The following AQR variants were observed in gnomAD, a reference collection of about 807,000 sequenced individuals.
The protein encoded by AQR is aquarius intron-binding spliceosomal factor, also known as RNA helicase aquarius.
A neutral mutation model predicts 180.5 loss-of-function variants in AQR; 61 were observed. The ratio of observed to expected loss-of-function variants is 0.34; its 90% confidence interval spans 0.28 to 0.42. AQR has a LOEUF of 0.42. AQR is among the 10% of genes least tolerant of loss of function. AQR has a pLI of 1.00. For synonymous variants in AQR, 551 were observed against 588.8 expected, an observed-to-expected ratio of 0.94 and a Z score of 0.93; for missense variants, 1,281 against 1,798.3, an observed-to-expected ratio of 0.71 and a Z score of 5.20.
intron 2 of AQR, among the ~76,000 whole-genome samples, chr15:34,962,746 G>A (rs915142299): frequency 6.0e-5 from 9 of 151,250 alleles, no homozygotes; most frequent in Non-Finnish European, 8.8e-5. Flanking sequence ...TCCAAACTGG[G>A]TGACAAGAGC....
intron 11 of AQR, 97 bp from the exon 12 acceptor site, chr15:34,930,468 G>C: frequency 1.5e-6 from 1 of 654,592 alleles, no homozygotes; most frequent in South Asian, 2.7e-5. Context: ...CAGTTTCTCA[G>C]AGGTGCTGAA....
At chr15:34,968,252 G>C (rs779626005) in intron 1 of AQR, among the ~76,000 whole-genome samples, 3 of 95,502 alleles carry the variant, frequency 3.1e-5, no homozygotes, top group Non-Finnish European at 7.3e-5. Context: ...AAGGAAGGAA[G>C]AGATTTTTTT....
rs1892857409 is a variant in AQR, at chr15:34,873,923, T to C, written c.3502A>G (p.Thr1168Ala). ...TCATACAGTAAGCCAGCATTTGCTGTACTAAACTCTGGCAAGAGCTGCACA... is the reference window on the plus strand; with the variant it reads ...TCATACAGTAAGCCAGCATTTGCTGCACTAAACTCTGGCAAGAGCTGCACA... The part of the protein sequence containing the change: ...PHVQLLPEFS[T>A]ANAGLLYDFQ... Residue 1168 changes from threonine to alanine, a missense_variant, in exon 30 of 35, where the codon ACA (threonine) becomes GCA (alanine). Around this residue, in one of 9 missense-constraint regions of AQR, gnomAD observed 197 missense variants for 320.7 expected, o/e 0.61. Coordinates refer to ENST00000156471, the MANE Select transcript of AQR (RefSeq NM_014691.3). The C allele has an allele frequency of 1.2e-6, 2 of 1,612,786 alleles. No individual in the cohort carries two copies. Among genetic ancestry groups the C allele is most frequent in the Non-Finnish European group, 1.7e-6 (2 of 1,179,250 alleles).
chr15:34,923,358 C>T (rs535774054), intron 13 of AQR, among the ~76,000 whole-genome samples: 1 of 152,252 alleles, frequency 6.6e-6, no homozygotes, highest in South Asian at 2.1e-4. Flanking sequence ...TCATCAAATA[C>T]CCATTTAGCC....
At chr15:34,875,180 C>T (rs536316650) in intron 28 of AQR, among the ~76,000 whole-genome samples, 38 of 152,188 alleles carry the variant, frequency 2.5e-4, no homozygotes, top group African/African-American at 7.2e-4. Context: ...GTAACGAGCA[C>T]ACAGAAAGAA....
At chr15:34,868,514 C>T (rs185625549) in intron 31 of AQR, 2 of 152,228 alleles carry the variant, frequency 1.3e-5, no homozygotes, top group African/African-American at 4.8e-5. Context: ...GTTTACAAAA[C>T]ACTTTTTAAG....
intron 9 of AQR, among the ~76,000 whole-genome samples, chr15:34,937,566 CTTAGA>C (rs1893962532): frequency 6.6e-6 from 1 of 152,034 alleles, no homozygotes; most frequent in African/African-American, 2.4e-5. Flanking sequence ...TAGAGCTGTT[CTTAGA>C]TTATATTCCA....
chr15:34,867,445 G>T (rs905235325), intron 32 of AQR, 79 bp downstream of exon 32: 2 of 1,246,238 alleles, frequency 1.6e-6, no homozygotes, highest in South Asian at 2.6e-5. Context: ...AAAATATTTA[G>T]AACACTTAGC....
chr15:34,927,720 C>T (rs1893786898), intron 12 of AQR, among the ~76,000 whole-genome samples: 1 of 152,146 alleles, frequency 6.6e-6, no homozygotes, highest in South Asian at 2.1e-4. Flanking sequence ...AAATAATATC[C>T]CTGTCTTCCT....
intron 27 of AQR, among the ~76,000 whole-genome samples, 180 bp from the exon 28 acceptor site, chr15:34,876,186 A>G (rs1033807401): frequency 2.0e-5 from 3 of 152,230 alleles, no homozygotes; most frequent in Non-Finnish European, 4.4e-5. Context: ...CTTACTTATC[A>G]TTATGCCTCT....
rs777333533 is a variant in AQR, at chr15:34,927,107, T to C, written c.1046A>G (p.Tyr349Cys). 21 of 1,592,162 alleles carry C rather than the reference T, an allele frequency of 1.3e-5. No homozygotes were observed. In the Admixed American group the frequency reaches 2.2e-4, roughly 17 times the overall value. ...TGCCACATTTGAGAGGGCAAAATCATAGAGTTCAGGAAAATGTGCAAAAGC... is the reference window on the plus strand; with the variant it reads ...TGCCACATTTGAGAGGGCAAAATCACAGAGTTCAGGAAAATGTGCAAAAGC... ...RAAFAHFPELYDFALSNVAEV... is the reference protein window; with the variant it reads ...RAAFAHFPELCDFALSNVAEV... The change falls in exon 13 of 35, where the codon TAT becomes TGT. Residue 349 changes from tyrosine (Y) to cysteine (C), a missense_variant. Physicochemically the swap from Tyr to Cys is radical, Grantham distance 194 (BLOSUM62 -2). Around this residue, in one of 9 missense-constraint regions of AQR, gnomAD observed 404 missense variants for 490.9 expected, o/e 0.82. Coordinates refer to ENST00000156471, the MANE Select transcript of AQR (RefSeq NM_014691.3).
intron 31 of AQR, chr15:34,869,726 TTTGA>T (rs1242258432): frequency 6.6e-6 from 1 of 152,164 alleles, no homozygotes; most frequent in Non-Finnish European, 1.5e-5. Context: ...CTGTATTCCT[TTTGA>T]TTTTGTTTTC....
intron 3 of AQR, among the ~76,000 whole-genome samples, chr15:34,958,064 C>A (rs1167182378): frequency 6.6e-6 from 1 of 151,842 alleles, no homozygotes; most frequent in African/African-American, 2.4e-5. Context: ...AAAAATTAGC[C>A]GGGCGTGGTG....
chr15:34,919,466 A>C (rs1438196574), intron 14 of AQR, among the ~76,000 whole-genome samples: 1 of 152,178 alleles, frequency 6.6e-6, no homozygotes, highest in Non-Finnish European at 1.5e-5. Flanking sequence ...AACAAAACAT[A>C]ATGTTGTAGC....
At chr15:34,913,091 T>C (rs973745715) in intron 16 of AQR, among the ~76,000 whole-genome samples, 76 of 152,172 alleles carry the variant, frequency 5.0e-4, no homozygotes, top group African/African-American at 1.6e-3. Flanking sequence ...TACAAGTCCA[T>C]AGTTCTCAGT....
intron 27 of AQR, among the ~76,000 whole-genome samples, chr15:34,881,800 T>G (rs754034915): frequency 1.3e-5 from 2 of 149,706 alleles, no homozygotes; most frequent in Non-Finnish European, 3.0e-5. Context: ...AACCACTTTG[T>G]TTTTTTTTGT....
chr15:34,957,962 C>A (rs1468664329), intron 3 of AQR, among the ~76,000 whole-genome samples: 1 of 152,144 alleles, frequency 6.6e-6, no homozygotes, highest in African/African-American at 2.4e-5. Flanking sequence ...GTAATCCCAG[C>A]ACTTTGGGAG....
intron 31 of AQR, chr15:34,868,591 GACAAT>G (rs1262689600): frequency 6.6e-6 from 1 of 152,026 alleles, no homozygotes; most frequent in East Asian, 1.9e-4. Context: ...GATGAATTTT[GACAAT>G]ACATTTTCCC....
In AQR at chr15:34,860,155, T is replaced by G. The variant is rs1380632580; in HGVS notation, c.4030A>C (p.Asn1344His). 2 of 1,463,488 alleles carry G rather than the reference T, an allele frequency of 1.4e-6. No individual in the cohort carries two copies. Among genetic ancestry groups the G allele is most frequent in the Admixed American group, 2.1e-5 (1 of 46,774 alleles). 90.7% of individuals were successfully genotyped at this position (1,463,488 alleles called of 1,614,324 possible). Residue 1344 changes from asparagine to histidine, a missense_variant and splice_region_variant, in exon 34 of 35, where the codon AAT (asparagine) becomes CAT (histidine). Physicochemically the swap from Asn to His is moderately conservative, Grantham distance 68 (BLOSUM62 1). Coordinates refer to ENST00000156471, the MANE Select transcript of AQR (RefSeq NM_014691.3). ...PTEPFPTTRK[N>H]GERPSHEVQI... ...ACTTCATGAGATGGTCTCTCTCCAT[T>G]CTAGAAGAAGGAAAAAAGAACGTTA...
Sources: gnomAD v4.1 joint callset for allele counts (sites outside exome capture counted in the v4.1 genomes callset) on GRCh38, gnomAD v4.1.1 for gene constraint, gnomAD v4.1.1 regional missense constraint, MANE v1.5 for transcripts, NCBI Gene and HGNC (gene_info 2026-07-23, HGNC 2026-07-21) for gene names.